Variants in PDE11A observed in about 807,000 individuals in gnomAD.
PDE11A encodes dual 3',5'-cyclic-AMP and -GMP phosphodiesterase 11A.
PDE11A carries 100 observed loss-of-function variants against 100.5 expected under a neutral mutation model. The ratio of observed to expected loss-of-function variants is 1.00; its 90% CI spans 0.85 to 1.18. The LOEUF (loss-of-function observed/expected upper bound fraction) is 1.18. Among genes scored for constraint, PDE11A ranks in the 50% most tolerant of loss-of-function variants. The pLI, the probability that PDE11A is intolerant of heterozygous loss-of-function variation, is 0.00. For synonymous variants in PDE11A, 381 were observed against 420.8 expected (o/e 0.91, Z 1.16); for missense variants, 1,141 against 1,152.6 (o/e 0.99, Z 0.15).
rs1434257388 is a variant in PDE11A at position 177,624,123 on chromosome 2, T to C, written c.*5284A>G. The C allele has an allele frequency of 6.6e-6, 1 of 152,234 alleles. No individual in the cohort carries two copies. The highest frequency in any genetic ancestry group is 2.4e-5 in the African/African-American group (1 of 41,464). The allele number at this position is 152,234 out of a possible 1,614,324, so 9.4% of individuals were successfully genotyped here. On this transcript the variant is annotated 3_prime_UTR_variant, in exon 20 of 20. Coordinates refer to ENST00000286063, the MANE Select transcript of PDE11A (RefSeq NM_016953.4). ...AGTTTTGGGAGTTCTTTACAGCATG[T>C]AGCAGAATAACAATTTCAGAGACTG...
rs2086960672 is a variant in PDE11A at position 178,060,935 on chromosome 2, TTC to T, written c.912+10589_912+10590del. On this transcript the variant is annotated intron_variant, in intron 1 of 19. Transcript: ENST00000286063. ...ATTGTTACATAAGCCATTGTAAATA[TTC>T]TTTTTTTTTTTTTTTTTTTTTTTTG... Among the ~76,000 whole-genome samples, 10 of 138,608 alleles carry T rather than the reference TTC, an allele frequency of 7.2e-5. No individual in the cohort carries two copies. The South Asian group carries it at 2.0e-3, about 28-fold the overall frequency. The allele number at this position is 138,608 out of a possible 152,430, so 90.9% of individuals were successfully genotyped here.
intron 6 of PDE11A, among the ~76,000 whole-genome samples, chr2:177,835,499 G>A (rs1364902543): frequency 6.6e-6 from 1 of 152,232 alleles, no homozygotes; most frequent in Non-Finnish European, 1.5e-5. Context: ...TGAGCTGAGG[G>A]TGAGAGGTGA....
At chr2:178,024,305 G>A (rs982494687) in intron 1 of PDE11A, among the ~76,000 whole-genome samples, 2 of 152,038 alleles carry the variant, frequency 1.3e-5, no homozygotes, top group Admixed American at 6.6e-5. Context: ...CCAGCTACTC[G>A]GGAGGCCGAG....
intron 1 of PDE11A, among the ~76,000 whole-genome samples, chr2:178,021,707 T>C (rs1232887589): frequency 6.6e-6 from 1 of 152,072 alleles, no homozygotes; most frequent in East Asian, 1.9e-4. Context: ...CCACAACTAG[T>C]CTAAGGTCAG....
chr2:177,824,024 G>C (rs1180707809), intron 6 of PDE11A, among the ~76,000 whole-genome samples: 4 of 152,142 alleles, frequency 2.6e-5, no homozygotes, highest in Non-Finnish European at 4.4e-5. Context: ...ACAAACCTTA[G>C]GCTGTTCGCC....
chr2:177,862,504 A>G (rs1057497291), intron 5 of PDE11A, among the ~76,000 whole-genome samples: 1 of 151,898 alleles, frequency 6.6e-6, no homozygotes, highest in Non-Finnish European at 1.5e-5. Flanking sequence ...TGCAGGATAC[A>G]AAATCAACAT....
intron 1 of PDE11A, among the ~76,000 whole-genome samples, chr2:178,065,803 G>C (rs1364047243): frequency 6.6e-6 from 1 of 151,962 alleles, no homozygotes; most frequent in Non-Finnish European, 1.5e-5. Context: ...TGGCTCATCA[G>C]GGAACGAAGC....
rs183028564 is a variant in PDE11A at position 177,789,516 on chromosome 2, A to G, written c.1738-20143T>C. ...CCCTCTGTCACCACTCCTATTCAACATAGTGTTGGAAGTTCTGGCCAGGAC... is the reference window on the plus strand; with the variant it reads ...CCCTCTGTCACCACTCCTATTCAACGTAGTGTTGGAAGTTCTGGCCAGGAC... On this transcript the variant is annotated intron_variant, in intron 9 of 19. Transcript: ENST00000286063. Among the ~76,000 whole-genome samples the G allele has an allele frequency of 8.6e-5, 13 of 151,744 alleles. No individual in the cohort carries two copies. The East Asian group carries it at 2.1e-3, about 25-fold the overall frequency.
intron 12 of PDE11A, among the ~76,000 whole-genome samples, chr2:177,712,547 G>C (rs960163592): frequency 2.0e-5 from 3 of 152,134 alleles, no homozygotes; most frequent in Non-Finnish European, 2.9e-5. Context: ...GGATTGAGTG[G>C]GGTATCCATT....
intron 2 of PDE11A, among the ~76,000 whole-genome samples, chr2:178,092,331 G>A (rs1168785312): frequency 5.3e-5 from 8 of 152,044 alleles, no homozygotes; most frequent in Non-Finnish European, 1.0e-4. Context: ...CAACAAAAGC[G>A]AGTTCAGAAT....
intron 5 of PDE11A, among the ~76,000 whole-genome samples, chr2:177,864,295 G>C (rs1163266855): frequency 6.6e-6 from 1 of 152,022 alleles, no homozygotes; most frequent in Non-Finnish European, 1.5e-5. Context: ...GAGGACCCTA[G>C]GTAACACAAT....
intron 1 of PDE11A, among the ~76,000 whole-genome samples, chr2:178,053,620 A>G (rs890292095): frequency 2.0e-5 from 3 of 152,156 alleles, no homozygotes; most frequent in African/African-American, 7.2e-5. Flanking sequence ...AAACCCCATC[A>G]TCTCAGCCCA....
intron 4 of PDE11A, among the ~76,000 whole-genome samples, chr2:177,891,633 C>A (rs187753474): frequency 6.6e-6 from 1 of 152,318 alleles, no homozygotes; most frequent in Admixed American, 6.5e-5. Context: ...AAGCTGGGTA[C>A]TCATTTTTCA....
chr2:177,696,103 A>G (rs2081108407), intron 15 of PDE11A, among the ~76,000 whole-genome samples: 1 of 152,166 alleles, frequency 6.6e-6, no homozygotes, highest in South Asian at 2.1e-4. Flanking sequence ...TAAGAATGAA[A>G]AAAGGTTGGG....
intron 1 of PDE11A, among the ~76,000 whole-genome samples, chr2:178,039,725 G>A (rs1048928472): frequency 5.3e-5 from 8 of 151,718 alleles, no homozygotes; most frequent in Non-Finnish European, 1.2e-4. Context: ...TCTGTCAATA[G>A]TAGAATGATA....
At chr2:177,736,159 AAAAG>A (rs1282491117) in intron 10 of PDE11A, among the ~76,000 whole-genome samples, 2 of 152,274 alleles carry the variant, frequency 1.3e-5, no homozygotes, top group South Asian at 2.1e-4. Context: ...GAACCAGGGA[AAAAG>A]AGAGAGTACT....
intron 2 of PDE11A, among the ~76,000 whole-genome samples, chr2:177,985,841 G>C (rs2085932977): frequency 6.6e-6 from 1 of 152,212 alleles, no homozygotes. Flanking sequence ...CAATGCGCAA[G>C]TGCTTGCATT....
At chr2:177,817,582 C>T (rs2083062421) in intron 8 of PDE11A, among the ~76,000 whole-genome samples, 4 of 151,932 alleles carry the variant, frequency 2.6e-5, no homozygotes, top group Admixed American at 2.0e-4. Context: ...ACAAACAAGA[C>T]AAGAATAAGA....
At chr2:178,042,643 T>A (rs898402240) in intron 1 of PDE11A, among the ~76,000 whole-genome samples, 11 of 152,174 alleles carry the variant, frequency 7.2e-5, no homozygotes. Flanking sequence ...TATTAATGTG[T>A]AGCTAATCTA....
Sources: gnomAD v4.1 joint callset for allele counts (sites outside exome capture counted in the v4.1 genomes callset) on GRCh38, gnomAD v4.1.1 for gene constraint, MANE v1.5 for transcripts, NCBI Gene and HGNC (gene_info 2026-07-23, HGNC 2026-07-21) for gene names.